The following CSGALNACT1 variants were observed in gnomAD, a reference collection of about 807,000 sequenced individuals.
The protein encoded by CSGALNACT1 is beta4GalNAcT-1.
Under a neutral mutation model 51.0 loss-of-function variants are expected in CSGALNACT1, and 52 were observed. The ratio of observed to expected loss-of-function variants is 1.02; its 90% CI spans 0.82 to 1.29. The LOEUF (loss-of-function observed/expected upper bound fraction) is 1.29, where lower values mean the gene tolerates loss of function less well. Ranked by LOEUF, CSGALNACT1 falls within the 50% of genes most tolerant of loss-of-function variation. The pLI is 0.00. For missense variants in CSGALNACT1, 935 were observed against 679.2 expected, an observed-to-expected ratio of 1.38 and a Z score of -4.19; for synonymous variants, 341 against 254.4, an observed-to-expected ratio of 1.34 and a Z score of -3.24.
At chr8:19,460,741 CT>C (rs1316970637) in intron 4 of CSGALNACT1, among the ~76,000 whole-genome samples, 8 of 152,200 alleles carry the variant, frequency 5.3e-5, no homozygotes, top group African/African-American at 1.7e-4. Context: ...CAAACCCCTC[CT>C]TTTTTCTTGC....
chr8:19,480,892 C>T (rs2071187935), intron 4 of CSGALNACT1, among the ~76,000 whole-genome samples: 1 of 152,058 alleles, frequency 6.6e-6, no homozygotes, highest in African/African-American at 2.4e-5. Context: ...AAGTTTCCAC[C>T]CGGCATCAAC....
At chr8:19,576,536 T>C (rs568801547) in intron 3 of CSGALNACT1, among the ~76,000 whole-genome samples, 4 of 151,976 alleles carry the variant, frequency 2.6e-5, no homozygotes, top group Non-Finnish European at 5.9e-5. Context: ...GGTGATAAGA[T>C]TGCTGTCACC....
intron 3 of CSGALNACT1, among the ~76,000 whole-genome samples, chr8:19,513,253 C>T (rs1587611203): frequency 2.6e-5 from 4 of 151,680 alleles, no homozygotes; most frequent in African/African-American, 7.3e-5. Flanking sequence ...AGGAGGATAG[C>T]GACAATGTGG....
chr8:19,408,402 C>T (rs2153664413), intron 9 of CSGALNACT1, among the ~76,000 whole-genome samples: 1 of 151,596 alleles, frequency 6.6e-6, no homozygotes, highest in South Asian at 2.1e-4. Context: ...CAAGTGATCC[C>T]CCCTCCTCTA....
chr8:19,672,188 C>T (rs2059845951), intron 1 of CSGALNACT1, among the ~76,000 whole-genome samples: 1 of 152,178 alleles, frequency 6.6e-6, no homozygotes, highest in South Asian at 2.1e-4. Context: ...GCAATTTTTT[C>T]CATCAAGCTC....
intron 1 of CSGALNACT1, among the ~76,000 whole-genome samples, chr8:19,753,510 T>C (rs988375426): frequency 2.6e-5 from 4 of 152,324 alleles, no homozygotes; most frequent in African/African-American, 9.6e-5. Flanking sequence ...TTTTCTCTGT[T>C]GCTAGTTTTT....
chr8:19,425,468 T>TA (rs1247557317), intron 6 of CSGALNACT1, among the ~76,000 whole-genome samples: 1 of 152,222 alleles, frequency 6.6e-6, no homozygotes, highest in Non-Finnish European at 1.5e-5. Context: ...TTTTCAGATG[T>TA]AAAATGTAGA....
intron 3 of CSGALNACT1, among the ~76,000 whole-genome samples, chr8:19,518,801 T>G (rs2080055232): frequency 6.6e-6 from 1 of 152,164 alleles, no homozygotes; most frequent in South Asian, 2.1e-4. Context: ...CAGGCAGAGA[T>G]GCTGAGTGTA....
intron 3 of CSGALNACT1, among the ~76,000 whole-genome samples, chr8:19,557,577 T>G (rs546984289): frequency 1.3e-5 from 2 of 152,260 alleles, no homozygotes; most frequent in South Asian, 4.2e-4. Context: ...ATTTGTACTT[T>G]CTCTTTTTCT....
intron 1 of CSGALNACT1, among the ~76,000 whole-genome samples, chr8:19,725,143 A>T (rs1348495214): frequency 6.6e-6 from 1 of 152,204 alleles, no homozygotes; most frequent in Non-Finnish European, 1.5e-5. Flanking sequence ...GTAAGCACCG[A>T]GTCTCCCTCT....
At chr8:19,517,677 A>G (rs78474434) in intron 3 of CSGALNACT1, among the ~76,000 whole-genome samples, 1,982 of 152,282 alleles carry the variant, frequency 0.013, 45 homozygotes, top group African/African-American at 0.045. Flanking sequence ...GGCAGCACTC[A>G]AGAGAGAATG....
chr8:19,404,343 G>C (rs924989741), exon 10 of CSGALNACT1: 1 of 453,552 alleles, frequency 2.2e-6, no homozygotes, highest in Non-Finnish European at 4.4e-6. Context: ...CAGAAGCAAG[G>C]ACTCAAAGAG....
chr8:19,658,723 G>A (rs1284475658), intron 1 of CSGALNACT1, among the ~76,000 whole-genome samples: 1 of 152,066 alleles, frequency 6.6e-6, no homozygotes, highest in African/African-American at 2.4e-5. Flanking sequence ...GACAAAGCAA[G>A]GCCCTGTCTC....
chr8:19,434,571 T>G (rs764691094), intron 6 of CSGALNACT1, among the ~76,000 whole-genome samples: 1 of 152,208 alleles, frequency 6.6e-6, no homozygotes, highest in Non-Finnish European at 1.5e-5. Flanking sequence ...ATAATTTATA[T>G]AGCATATTCA....
intron 6 of CSGALNACT1, among the ~76,000 whole-genome samples, chr8:19,426,634 G>A (rs190012042): frequency 6.6e-6 from 1 of 152,076 alleles, no homozygotes; most frequent in South Asian, 2.1e-4. Context: ...ATTATCAACT[G>A]ACAAAACTCT....
intron 1 of CSGALNACT1, among the ~76,000 whole-genome samples, chr8:19,615,952 T>C (rs2052942410): frequency 6.6e-6 from 1 of 152,232 alleles, no homozygotes; most frequent in Admixed American, 6.5e-5. Context: ...ATAATACTTT[T>C]ATCATAGATG....
At chr8:19,549,616 T>A (rs1490316804) in intron 3 of CSGALNACT1, among the ~76,000 whole-genome samples, 1 of 144,882 alleles carries the variant, frequency 6.9e-6, no homozygotes, top group East Asian at 2.0e-4. Context: ...TCCCCTTTTC[T>A]CCCCATCAGG....
chr8:19,528,290 A>G (rs78904563), intron 3 of CSGALNACT1, among the ~76,000 whole-genome samples: 22,492 of 151,922 alleles, frequency 0.15, 1,749 homozygotes, highest in Middle Eastern at 0.2. Flanking sequence ...AAAAAAAAAA[A>G]GCAAGCAGCC....
chr8:19,579,567 C>T lies in CSGALNACT1; in HGVS notation c.-297+11593G>A, dbSNP rs145061713. 7.3e-4 allele frequency among the ~76,000 whole-genome samples: 111 copies of T among 152,268 alleles called. No homozygotes were observed. In the East Asian group the frequency reaches 0.018, roughly 25 times the overall value. On this transcript the variant is annotated intron_variant, in intron 3 of 9. Transcript: ENST00000454498. ...ATGTAGATTTAAGTAGAGATAGAGA[C>T]GGACACATAGGTATTTGTCTCTACC...
Sources: allele counts gnomAD v4.1 joint callset (sites outside exome capture counted in the v4.1 genomes callset), GRCh38; gene constraint gnomAD v4.1.1; transcripts MANE v1.5; gene names NCBI Gene and HGNC (gene_info 2026-07-23, HGNC 2026-07-21).